MYRIP: variants seen among roughly 807,000 people sequenced by gnomAD.
MYRIP encodes the protein myosin VIIA and Rab interacting protein.
A neutral mutation model predicts 98.0 loss-of-function variants in MYRIP; 49 were observed. The ratio of observed to expected loss-of-function variants is 0.50; its 90% CI spans 0.40 to 0.63. The LOEUF (loss-of-function observed/expected upper bound fraction) is 0.63, where lower values mean the gene tolerates loss of function less well. Among genes scored for constraint, MYRIP ranks in the 30% least tolerant of loss-of-function variants. The pLI is 0.00. For synonymous variants in MYRIP, 404 were observed against 409.5 expected (o/e 0.99, Z 0.16); for missense variants, 1,004 against 1,058.2 (o/e 0.95, Z 0.71).
Position 40,227,387 on chromosome 3 carries a change from ACTCTCT to A in MYRIP, c.1906-6458_1906-6453del, listed in dbSNP as rs139915991. Among the ~76,000 whole-genome samples the A allele has an allele frequency of 2.1e-5, 3 of 143,080 alleles. No individual in the cohort carries two copies. The East Asian group carries it at 6.1e-4, about 29-fold the overall frequency. The allele number at this position is 143,080 out of a possible 152,430, so 93.9% of individuals were successfully genotyped here. On this transcript the variant is annotated intron_variant, in intron 11 of 16. Coordinates refer to ENST00000302541, the MANE Select transcript of MYRIP (RefSeq NM_015460.4). Reference sequence around the variant, plus strand: ...GGAAACAACAGAATAATGGAAATGTACTCTCTCTCTCTCTCTCTCCCTCTATGTGTG... The same window carrying A: ...GGAAACAACAGAATAATGGAAATGTACTCTCTCTCTCTCCCTCTATGTGTG...
chr3:39,870,394 G>A (rs1942750790), intron 1 of MYRIP, among the ~76,000 whole-genome samples: 1 of 152,032 alleles, frequency 6.6e-6, no homozygotes, highest in Non-Finnish European at 1.5e-5. Context: ...AAACTGACAG[G>A]TGTCATGGGA....
intron 3 of MYRIP, among the ~76,000 whole-genome samples, chr3:40,119,960 A>T (rs552243139): frequency 6.6e-6 from 1 of 152,194 alleles, no homozygotes; most frequent in Admixed American, 6.5e-5. Flanking sequence ...ACTAATACAC[A>T]AAAAGAGAGG....
chr3:39,925,256 C>T (rs554526851), intron 2 of MYRIP, among the ~76,000 whole-genome samples: 5 of 152,062 alleles, frequency 3.3e-5, no homozygotes, highest in Admixed American at 2.6e-4. Flanking sequence ...TCACCGAGGA[C>T]ACAGACAATA....
At chr3:40,079,121 G>T (rs573058409) in intron 3 of MYRIP, among the ~76,000 whole-genome samples, 3 of 152,314 alleles carry the variant, frequency 2.0e-5, no homozygotes, top group Admixed American at 6.5e-5. Flanking sequence ...ATGCTCCCTT[G>T]TTGTCAGTAG....
At chr3:39,906,081 CCTT>C (rs1350195637) in intron 2 of MYRIP, among the ~76,000 whole-genome samples, 1 of 151,800 alleles carries the variant, frequency 6.6e-6, no homozygotes, top group Non-Finnish European at 1.5e-5. Flanking sequence ...GGGTATGAGT[CCTT>C]CTATCATGAT....
intron 5 of MYRIP, among the ~76,000 whole-genome samples, chr3:40,164,465 G>C (rs1038689256): frequency 3.9e-5 from 6 of 152,168 alleles, no homozygotes; most frequent in Non-Finnish European, 8.8e-5. Flanking sequence ...TTCAGTTTTT[G>C]CTCTTAAGGC....
rs1575412233 is a variant in MYRIP at position 39,956,799 on chromosome 3, A to G, written c.110+55873A>G. 4.6e-5 allele frequency among the ~76,000 whole-genome samples: 7 copies of G among 151,966 alleles called. No homozygotes were observed. In the South Asian group the frequency reaches 1.5e-3, roughly 32 times the overall value. ...ACCGCTAGCAAGACTAAGAAAGAAG[A>G]AAAGAGAGAAGAATCAAATAGATGG... On this transcript the variant is annotated intron_variant, in intron 2 of 16. Transcript: ENST00000302541.
chr3:40,051,515 T>A (rs1476101469), intron 3 of MYRIP, among the ~76,000 whole-genome samples: 1 of 152,172 alleles, frequency 6.6e-6, no homozygotes, highest in Non-Finnish European at 1.5e-5. Context: ...CTAACTTTTA[T>A]ATGCACTGGG....
chr3:40,048,508 A>G (rs1947717802), intron 3 of MYRIP, among the ~76,000 whole-genome samples: 1 of 152,078 alleles, frequency 6.6e-6, no homozygotes, highest in Admixed American at 6.6e-5. Context: ...GGGGCTGTCT[A>G]TTGTACAGCT....
chr3:39,832,929 T>C (rs570384123), intron 1 of MYRIP, among the ~76,000 whole-genome samples: 1 of 152,322 alleles, frequency 6.6e-6, no homozygotes, highest in Admixed American at 6.5e-5. Flanking sequence ...AAGCCGTTTA[T>C]GCACAAAAAT....
At chr3:40,096,006 C>T (rs1293271231) in intron 3 of MYRIP, among the ~76,000 whole-genome samples, 1 of 151,680 alleles carries the variant, frequency 6.6e-6, no homozygotes, top group Non-Finnish European at 1.5e-5. Context: ...CACACTTCCC[C>T]CTCACACTCC....
chr3:39,881,665 C>T (rs139054144), intron 1 of MYRIP, among the ~76,000 whole-genome samples: 1 of 152,178 alleles, frequency 6.6e-6, no homozygotes, highest in Non-Finnish European at 1.5e-5. Flanking sequence ...CTAGCCCAGT[C>T]TCTCCTGAGA....
chr3:40,199,015 T>C (rs1369788371), intron 10 of MYRIP, among the ~76,000 whole-genome samples: 1 of 152,074 alleles, frequency 6.6e-6, no homozygotes, highest in Non-Finnish European at 1.5e-5. Context: ...GTTCACAAAA[T>C]TGATGGAATG....
chr3:39,859,211 G>C (rs1299194569), intron 1 of MYRIP, among the ~76,000 whole-genome samples: 1 of 151,380 alleles, frequency 6.6e-6, no homozygotes, highest in African/African-American at 2.4e-5. Context: ...AACTGATACA[G>C]TGGAATTACA....
rs1455061221 is a variant in MYRIP at position 39,852,905 on chromosome 3, A to G, written c.-31+42989A>G. 4.6e-5 allele frequency among the ~76,000 whole-genome samples: 7 copies of G among 151,970 alleles called. No individual in the cohort carries two copies. In the East Asian group the frequency reaches 1.2e-3, roughly 25 times the overall value. Reference sequence around the variant, plus strand: ...AAGCGATTCTCCTGCCTTAGCCACCATAGTAGCTGGGATTACAGGCATGCG... The same window carrying G: ...AAGCGATTCTCCTGCCTTAGCCACCGTAGTAGCTGGGATTACAGGCATGCG... On this transcript the variant is annotated intron_variant, in intron 1 of 16. Transcript: ENST00000302541.
At chr3:40,016,012 GC>G (rs1946854196) in intron 2 of MYRIP, among the ~76,000 whole-genome samples, 1 of 151,912 alleles carries the variant, frequency 6.6e-6, no homozygotes, top group Non-Finnish European at 1.5e-5. Flanking sequence ...GGCAAAGGTG[GC>G]CATGCCCTCC....
intron 2 of MYRIP, among the ~76,000 whole-genome samples, chr3:40,015,936 T>C (rs1022839373): frequency 1.2e-4 from 18 of 152,184 alleles, no homozygotes; most frequent in Non-Finnish European, 2.6e-4. Context: ...CCACTCTTCC[T>C]AGTGGTTTTA....
intron 3 of MYRIP, among the ~76,000 whole-genome samples, chr3:40,138,214 A>C (rs1008712794): frequency 2.0e-5 from 3 of 152,206 alleles, no homozygotes; most frequent in Admixed American, 6.5e-5. Flanking sequence ...TACAGGACAG[A>C]TGCACAGAGG....
chr3:40,023,467 G>T (rs368189105), intron 2 of MYRIP, among the ~76,000 whole-genome samples: 3 of 151,686 alleles, frequency 2.0e-5, no homozygotes, highest in African/African-American at 7.3e-5. Context: ...AGGAAAGAGT[G>T]TTTAAGTAGG....
Sources: gnomAD v4.1 joint callset for allele counts (sites outside exome capture counted in the v4.1 genomes callset) on GRCh38, gnomAD v4.1.1 for gene constraint, MANE v1.5 for transcripts, NCBI Gene and HGNC (gene_info 2026-07-23, HGNC 2026-07-21) for gene names.